Variants in GPR158 observed in about 807,000 individuals in gnomAD.
GPR158 encodes the protein metabotropic glycine receptor.
Under a neutral mutation model 78.2 loss-of-function variants are expected in GPR158, and 30 were observed. That is an observed-to-expected ratio of 0.38 (90% CI 0.29 to 0.52). The LOEUF (loss-of-function observed/expected upper bound fraction) is 0.52, where lower values mean the gene tolerates loss of function less well. GPR158 is among the 20% of genes least tolerant of loss of function. The pLI is 0.83. For synonymous variants in GPR158, 581 were observed against 591.1 expected (o/e 0.98, Z 0.25); for missense variants, 1,463 against 1,523.5 (o/e 0.96, Z 0.66).
intron 5 of GPR158, among the ~76,000 whole-genome samples, chr10:25,542,464 G>A (rs1249409133): frequency 1.3e-5 from 2 of 152,286 alleles, no homozygotes; most frequent in East Asian, 3.9e-4. Context: ...AGCAGAAATG[G>A]TGGAGATTAA....
At chr10:25,514,401 T>C (rs1836132755) in intron 5 of GPR158, among the ~76,000 whole-genome samples, 1 of 152,166 alleles carries the variant, frequency 6.6e-6, no homozygotes, top group South Asian at 2.1e-4. Context: ...TGAGTCCTTA[T>C]ATGTTAGGTG....
chr10:25,299,280 T>G (rs932724516), intron 2 of GPR158, among the ~76,000 whole-genome samples: 1 of 152,148 alleles, frequency 6.6e-6, no homozygotes, highest in African/African-American at 2.4e-5. Context: ...TTAGCAAATT[T>G]TTGGTATACA....
At chr10:25,444,075 G>T (rs1412279446) in intron 4 of GPR158, among the ~76,000 whole-genome samples, 1 of 150,554 alleles carries the variant, frequency 6.6e-6, no homozygotes, top group Non-Finnish European at 1.5e-5. Context: ...GTTGCAAGTT[G>T]TGACAATCAA....
chr10:25,385,895 A>T (rs923930034), intron 2 of GPR158, among the ~76,000 whole-genome samples: 4 of 152,100 alleles, frequency 2.6e-5, no homozygotes, highest in Non-Finnish European at 5.9e-5. Flanking sequence ...GTTTTCTCCC[A>T]TTCTGTAGGC....
intron 7 of GPR158, among the ~76,000 whole-genome samples, chr10:25,586,963 G>T (rs58254885): frequency 6.6e-6 from 1 of 152,050 alleles, no homozygotes; most frequent in Admixed American, 6.5e-5. Context: ...CTTTAATCAG[G>T]TACTATAGCC....
intron 3 of GPR158, among the ~76,000 whole-genome samples, chr10:25,408,910 C>T (rs924708164): frequency 1.3e-5 from 2 of 152,166 alleles, no homozygotes; most frequent in African/African-American, 4.8e-5. Flanking sequence ...GTTCATGGCA[C>T]AAGATGTGAG....
At chr10:25,288,523 C>T (rs1854385262) in intron 2 of GPR158, among the ~76,000 whole-genome samples, 1 of 152,232 alleles carries the variant, frequency 6.6e-6, no homozygotes, top group South Asian at 2.1e-4. Context: ...TCTAGAGATT[C>T]ATTTTTAAAA....
chr10:25,442,831 TC>T (rs1472944453), intron 4 of GPR158, among the ~76,000 whole-genome samples: 1 of 152,126 alleles, frequency 6.6e-6, no homozygotes, highest in African/African-American at 2.4e-5. Context: ...TGTCATTTCT[TC>T]CACTGATTGT....
chr10:25,462,162 C>T (rs1835365997), intron 4 of GPR158, among the ~76,000 whole-genome samples: 1 of 152,202 alleles, frequency 6.6e-6, no homozygotes. Context: ...TGCTCATTGA[C>T]TGTTCTGAAA....
chr10:25,421,841 C>A (rs754954385), intron 4 of GPR158, among the ~76,000 whole-genome samples: 1 of 152,118 alleles, frequency 6.6e-6, no homozygotes, highest in Non-Finnish European at 1.5e-5. Context: ...TACTTGCCAT[C>A]AATTTTCAAT....
intron 2 of GPR158, among the ~76,000 whole-genome samples, chr10:25,378,958 T>A (rs1834119875): frequency 6.6e-6 from 1 of 152,102 alleles, no homozygotes; most frequent in Non-Finnish European, 1.5e-5. Flanking sequence ...CCTTGCTGAT[T>A]TAAAATAAAT....
chr10:25,406,011 G>A (rs1834510204), intron 3 of GPR158, among the ~76,000 whole-genome samples: 2 of 152,050 alleles, frequency 1.3e-5, no homozygotes, highest in Non-Finnish European at 2.9e-5. Flanking sequence ...GCTCACTTTG[G>A]AACGTGGAAG....
At chr10:25,412,872 G>A (rs1056054495) in intron 4 of GPR158, among the ~76,000 whole-genome samples, 1 of 152,130 alleles carries the variant, frequency 6.6e-6, no homozygotes, top group Non-Finnish European at 1.5e-5. Context: ...TATGGTAAAT[G>A]ACTCAACTAT....
intron 5 of GPR158, among the ~76,000 whole-genome samples, chr10:25,477,620 G>A (rs551421869): frequency 7.2e-5 from 11 of 152,032 alleles, no homozygotes; most frequent in South Asian, 6.2e-4. Flanking sequence ...AAGCTGATCC[G>A]TAGAATCCAT....
intron 5 of GPR158, among the ~76,000 whole-genome samples, chr10:25,518,337 T>C (rs1836211840): frequency 1.2e-5 from 1 of 85,554 alleles, no homozygotes; most frequent in Non-Finnish European, 2.2e-5. Context: ...CTGGATTCAT[T>C]GATTTTTTGA....
At chr10:25,283,809 T>G (rs774202848) in intron 2 of GPR158, among the ~76,000 whole-genome samples, 2 of 152,062 alleles carry the variant, frequency 1.3e-5, no homozygotes, top group Non-Finnish European at 2.9e-5. Flanking sequence ...ATTGTATTTT[T>G]ATTTTAATTT....
chr10:25,213,183 C>T (rs1005866396), intron 1 of GPR158, among the ~76,000 whole-genome samples: 3 of 151,776 alleles, frequency 2.0e-5, no homozygotes, highest in African/African-American at 7.3e-5. Flanking sequence ...CAGAATTAGT[C>T]AAGAATTCAG....
chr10:25,359,284 G>C (rs1362741487), intron 2 of GPR158, among the ~76,000 whole-genome samples: 2 of 151,968 alleles, frequency 1.3e-5, no homozygotes, highest in African/African-American at 4.8e-5. Flanking sequence ...TATACTTTAA[G>C]TTCTGAGATA....
At chr10:25,252,333 C>T (rs1853816075) in intron 2 of GPR158, among the ~76,000 whole-genome samples, 1 of 152,200 alleles carries the variant, frequency 6.6e-6, no homozygotes, top group South Asian at 2.1e-4. Context: ...CATTCTCCAT[C>T]CAGCTTTGTT....
Sources: gnomAD v4.1 joint callset for allele counts (sites outside exome capture counted in the v4.1 genomes callset) on GRCh38, gnomAD v4.1.1 for gene constraint, MANE v1.5 for transcripts, NCBI Gene and HGNC (gene_info 2026-07-23, HGNC 2026-07-21) for gene names.